KCND3: variants seen among roughly 807,000 people sequenced by gnomAD.
The protein encoded by KCND3 is A-type voltage-gated potassium channel KCND3.
KCND3 carries 9 observed loss-of-function variants against 51.1 expected under a neutral mutation model. The observed-to-expected ratio is 0.18, with a 90% CI of 0.11 to 0.31. The LOEUF is 0.31. KCND3 is among the 10% of genes least tolerant of loss of function. The probability of loss-of-function intolerance (pLI) is 1.00; values close to 1 mark genes in which losing one functional copy is unlikely to be tolerated. For synonymous variants in KCND3, 349 were observed against 368.0 expected (o/e 0.95, Z 0.59); for missense variants, 526 against 903.8 (o/e 0.58, Z 5.36).
intron 2 of KCND3, among the ~76,000 whole-genome samples, chr1:111,943,762 A>G (rs1363857786): frequency 6.6e-6 from 1 of 152,208 alleles, no homozygotes; most frequent in Admixed American, 6.5e-5. Context: ...GCTTTCTCAC[A>G]GTCCTTCTGC....
chr1:111,909,742 A>G (rs1300107007), intron 2 of KCND3: 1 of 152,218 alleles, frequency 6.6e-6, no homozygotes, highest in African/African-American at 2.4e-5. Context: ...TGCTTTGAAG[A>G]TCTGCCAGTT....
intron 2 of KCND3, among the ~76,000 whole-genome samples, chr1:111,813,429 C>T (rs995562261): frequency 2.6e-5 from 4 of 152,248 alleles, no homozygotes; most frequent in African/African-American, 4.8e-5. Context: ...TCTCCCTCAG[C>T]AGGGGCCTGT....
chr1:111,846,073 C>CTG (rs1222181745), intron 2 of KCND3, among the ~76,000 whole-genome samples: 2 of 152,186 alleles, frequency 1.3e-5, no homozygotes, highest in Non-Finnish European at 2.9e-5. Context: ...TTGCCTTTCC[C>CTG]TGTTACCTAC....
intron 2 of KCND3, among the ~76,000 whole-genome samples, chr1:111,966,030 A>T (rs938269666): frequency 6.6e-6 from 1 of 152,052 alleles, no homozygotes; most frequent in African/African-American, 2.4e-5. Context: ...CCTCCCTACA[A>T]GACTCACTCA....
At chr1:111,796,726 CTTAAAG>C (rs1424428024) in intron 2 of KCND3, among the ~76,000 whole-genome samples, 8 of 152,280 alleles carry the variant, frequency 5.3e-5, no homozygotes, top group Middle Eastern at 3.4e-3. Context: ...TACCCCTGAA[CTTAAAG>C]TTAAATAAAA....
intron 2 of KCND3, among the ~76,000 whole-genome samples, chr1:111,943,773 C>T (rs911762567): frequency 1.3e-5 from 2 of 152,136 alleles, no homozygotes; most frequent in Non-Finnish European, 2.9e-5. Flanking sequence ...GTCCTTCTGC[C>T]CCATGAAGCA....
intron 2 of KCND3, among the ~76,000 whole-genome samples, chr1:111,832,001 A>G (rs1023977539): frequency 5.9e-5 from 9 of 152,186 alleles, no homozygotes; most frequent in African/African-American, 1.9e-4. Context: ...AGCCCACTGA[A>G]CTGGGATCCT....
chr1:111,945,902 G>A (rs1310081169), intron 2 of KCND3, among the ~76,000 whole-genome samples: 1 of 152,178 alleles, frequency 6.6e-6, no homozygotes, highest in African/African-American at 2.4e-5. Context: ...ATGGGCTTTG[G>A]CGTCAGATGG....
chr1:111,938,562 T>C (rs992897022), intron 2 of KCND3, among the ~76,000 whole-genome samples: 23 of 152,168 alleles, frequency 1.5e-4, no homozygotes, highest in Admixed American at 6.5e-4. Flanking sequence ...ACAGCGGCAG[T>C]GGGGATGCAA....
intron 2 of KCND3, among the ~76,000 whole-genome samples, chr1:111,810,247 G>A (rs1557950971): frequency 1.3e-5 from 2 of 152,176 alleles, no homozygotes; most frequent in Non-Finnish European, 2.9e-5. Flanking sequence ...TTGGGACTAG[G>A]TTAGGTGCCC....
At chr1:111,870,498 G>A (rs2101712604) in intron 2 of KCND3, among the ~76,000 whole-genome samples, 1 of 152,310 alleles carries the variant, frequency 6.6e-6, no homozygotes, top group African/African-American at 2.4e-5. Context: ...GCTTCAATTA[G>A]AGGGTCAGCT....
intron 2 of KCND3, among the ~76,000 whole-genome samples, chr1:111,813,028 C>T (rs933288995): frequency 2.0e-5 from 3 of 152,236 alleles, no homozygotes; most frequent in Non-Finnish European, 4.4e-5. Flanking sequence ...GGTGCTCCCA[C>T]GAGAGTGAGG....
chr1:111,869,867 G>A (rs1478428321), intron 2 of KCND3, among the ~76,000 whole-genome samples: 3 of 151,830 alleles, frequency 2.0e-5, no homozygotes, highest in Admixed American at 2.0e-4. Flanking sequence ...GGTAAAGTCC[G>A]TACTCTGTGT....
At chr1:111,822,314 C>T (rs1169438156) in intron 2 of KCND3, among the ~76,000 whole-genome samples, 4 of 152,110 alleles carry the variant, frequency 2.6e-5, no homozygotes, top group South Asian at 2.1e-4. Context: ...GCGCAACCAT[C>T]GCCACCATCC....
At chr1:111,883,514 G>T (rs543372590) in intron 2 of KCND3, among the ~76,000 whole-genome samples, 3 of 152,142 alleles carry the variant, frequency 2.0e-5, no homozygotes, top group African/African-American at 7.2e-5. Context: ...CCATGGACTC[G>T]ATAAGCATTT....
chr1:111,925,638 T>C (rs993976257), intron 2 of KCND3, among the ~76,000 whole-genome samples: 11 of 152,128 alleles, frequency 7.2e-5, no homozygotes, highest in Non-Finnish European at 1.3e-4. Context: ...GAGGTAAAGA[T>C]GGAATAATGT....
intron 5 of KCND3, among the ~76,000 whole-genome samples, chr1:111,778,858 A>G (rs1402395338): frequency 6.6e-6 from 1 of 152,128 alleles, no homozygotes; most frequent in African/African-American, 2.4e-5. Flanking sequence ...CATCCCTTCA[A>G]TGCCAGCATT....
At chr1:111,798,944 C>T (rs1665173384) in intron 2 of KCND3, among the ~76,000 whole-genome samples, 1 of 152,016 alleles carries the variant, frequency 6.6e-6, no homozygotes, top group South Asian at 2.1e-4. Context: ...TGGGAGGAGT[C>T]AGCAGTAAGC....
chr1:111,816,942 A>G (rs899397006), intron 2 of KCND3, among the ~76,000 whole-genome samples: 1 of 152,198 alleles, frequency 6.6e-6, no homozygotes, highest in Non-Finnish European at 1.5e-5. Flanking sequence ...GTCCACAAGC[A>G]CAGGGTGCAT....
Sources: gnomAD v4.1 joint callset for allele counts (sites outside exome capture counted in the v4.1 genomes callset) on GRCh38, gnomAD v4.1.1 for gene constraint, MANE v1.5 for transcripts, NCBI Gene and HGNC (gene_info 2026-07-23, HGNC 2026-07-21) for gene names.